AGTPBP1: variants seen among roughly 807,000 people sequenced by gnomAD.
The protein encoded by AGTPBP1 is cytosolic carboxypeptidase 1.
Under a neutral mutation model 143.9 loss-of-function variants are expected in AGTPBP1, and 70 were observed. The ratio of observed to expected loss-of-function variants is 0.49; its 90% CI spans 0.40 to 0.59. AGTPBP1 has a LOEUF of 0.59. AGTPBP1 is among the 20% of genes least tolerant of loss of function. The pLI is 0.00. For missense variants in AGTPBP1, 1,229 were observed against 1,464.5 expected (o/e 0.84, Z 2.62); for synonymous variants, 463 against 500.2 (o/e 0.93, Z 0.99).
the AGTPBP1 span, among the ~76,000 whole-genome samples, chr9:85,764,221 C>T: frequency 6.6e-6 from 1 of 151,572 alleles, no homozygotes; most frequent in African/African-American, 2.4e-5. Flanking sequence ...AGGCATTCAA[C>T]TTAAGATTTT....
intron 23 of AGTPBP1, among the ~76,000 whole-genome samples, chr9:85,579,567 T>C (rs1291010855): frequency 1.0e-4 from 15 of 145,238 alleles, no homozygotes; most frequent in Non-Finnish European, 1.5e-5. Context: ...AATATAGAAG[T>C]ATACCCTGAG....
chr9:85,603,901 T>C (rs1167691930), intron 17 of AGTPBP1, among the ~76,000 whole-genome samples: 1 of 152,028 alleles, frequency 6.6e-6, no homozygotes, highest in Non-Finnish European at 1.5e-5. Flanking sequence ...CTCTTCTGCA[T>C]GAAAAAAAGA....
chr9:85,580,696 G>A (rs2133110418), intron 23 of AGTPBP1, among the ~76,000 whole-genome samples: 1 of 152,284 alleles, frequency 6.6e-6, no homozygotes, highest in South Asian at 2.1e-4. Flanking sequence ...GTATCAATTT[G>A]TACAATCTTT....
In AGTPBP1 at chr9:85,682,372, A is replaced by G. The variant is rs544277191; in HGVS notation, c.158-1037T>C. The stretch of plus-strand genomic sequence containing the variant: ...ACTCCCTTCAACCCTCTGGGGAAAA[A>G]AAACTACTCTTTTCATGGATCTAAA... On this transcript the variant is annotated intron_variant, in intron 3 of 25. Transcript: ENST00000357081. Among the ~76,000 whole-genome samples the G allele has an allele frequency of 5.3e-5, 8 of 152,224 alleles. No individual in the cohort carries two copies. In the East Asian group the frequency reaches 1.4e-3, roughly 26 times the overall value.
At chr9:85,613,729 A>C (rs1830451032) in intron 17 of AGTPBP1, among the ~76,000 whole-genome samples, 2 of 152,134 alleles carry the variant, frequency 1.3e-5, no homozygotes, top group South Asian at 4.1e-4. Context: ...TAGGGTGCAA[A>C]AATAAAAGCC....
intron 1 of AGTPBP1, among the ~76,000 whole-genome samples, chr9:85,724,286 C>CAAAA (rs56269636): frequency 1.2e-4 from 9 of 77,662 alleles, no homozygotes; most frequent in Admixed American, 1.3e-4. Context: ...GACTTTGTCT[C>CAAAA]AAAAAAAAAA....
intron 3 of AGTPBP1, among the ~76,000 whole-genome samples, chr9:85,684,734 T>C (rs1266044561): frequency 6.6e-6 from 1 of 152,166 alleles, no homozygotes; most frequent in Non-Finnish European, 1.5e-5. Context: ...TTAGCACTGT[T>C]GACTACTGCA....
At chr9:85,773,766 G>C in the AGTPBP1 span, 1 of 790,742 alleles carries the variant, frequency 1.3e-6, no homozygotes, top group Non-Finnish European at 2.1e-6. Context: ...TCTTGAAGTA[G>C]CCTAAGAAAA....
intron 25 of AGTPBP1, among the ~76,000 whole-genome samples, chr9:85,567,420 G>A (rs550435963): frequency 2.0e-5 from 3 of 152,108 alleles, no homozygotes; most frequent in African/African-American, 7.2e-5. Flanking sequence ...GTGAAGCCCC[G>A]TATCTACTAA....
At chr9:85,775,006 A>G in the AGTPBP1 span, among the ~76,000 whole-genome samples, 1 of 152,158 alleles carries the variant, frequency 6.6e-6, no homozygotes, top group African/African-American at 2.4e-5. Flanking sequence ...GCCAAATAAG[A>G]ATATATAAAA....
chr9:85,790,176 AGAGT>A, the AGTPBP1 span, among the ~76,000 whole-genome samples: 1 of 152,230 alleles, frequency 6.6e-6, no homozygotes, highest in African/African-American at 2.4e-5. Flanking sequence ...AATAAAGGCG[AGAGT>A]GAGATCCATT....
At chr9:85,711,269 A>G (rs1180300769) in intron 2 of AGTPBP1, among the ~76,000 whole-genome samples, 1 of 152,160 alleles carries the variant, frequency 6.6e-6, no homozygotes, top group Non-Finnish European at 1.5e-5. Flanking sequence ...AAAGTTACAC[A>G]ATTTGCTCAT....
rs1182590956 is a variant in AGTPBP1 at position 85,619,017 on chromosome 9, AAT to A, written c.2299_2300del (p.Ile767Ter). The A allele has an allele frequency of 6.2e-7, 1 of 1,613,470 alleles. No homozygotes were observed. The highest frequency in any genetic ancestry group is 8.5e-7 in the Non-Finnish European group (1 of 1,179,790). ...ACTGACTGTTGGACTTTTCACAGTT[AAT>A]GATGTTAAACCTGTAAGCAACACCT... The part of the protein sequence containing the change: ...RPGVAYRFNI[I>X]NCEKSNSQFN... On this transcript the variant is annotated frameshift_variant, in exon 17 of 26. Transcript: ENST00000357081. LOFTEE classifies it high-confidence loss of function.
In AGTPBP1 at chr9:85,588,481, A is replaced by C; in HGVS notation, c.2723-3T>G. The C allele has an allele frequency of 6.2e-7, 1 of 1,608,478 alleles. No individual in the cohort carries two copies. The highest frequency in any genetic ancestry group is 8.5e-7 in the Non-Finnish European group (1 of 1,178,404). On this transcript the variant is annotated splice_polypyrimidine_tract_variant and splice_region_variant and intron_variant, in intron 20 of 25. Transcript: ENST00000357081. ...CAAGAAAACGTAAGGGCGATTTCCT[A>C]AAGTACACATAAAATCTCAAATTAA...
At chr9:85,622,265 A>G (rs1340862564) in intron 14 of AGTPBP1, among the ~76,000 whole-genome samples, 1 of 152,234 alleles carries the variant, frequency 6.6e-6, no homozygotes, top group African/African-American at 2.4e-5. Context: ...AAAGTGTACC[A>G]AAATAGTTTA....
chr9:85,764,684 T>G, the AGTPBP1 span: 1 of 881,224 alleles, frequency 1.1e-6, no homozygotes, highest in East Asian at 2.4e-5. Flanking sequence ...GTTTTCGGGG[T>G]GTCTGGTGGG....
intron 1 of AGTPBP1, among the ~76,000 whole-genome samples, chr9:85,721,394 T>C (rs1269280402): frequency 2.0e-5 from 3 of 152,240 alleles, no homozygotes; most frequent in Admixed American, 6.5e-5. Flanking sequence ...TCTTGTTGAA[T>C]TGATCCCTTT....
intron 17 of AGTPBP1, among the ~76,000 whole-genome samples, chr9:85,597,704 A>G (rs1194534882): frequency 6.6e-6 from 1 of 152,122 alleles, no homozygotes; most frequent in Non-Finnish European, 1.5e-5. Context: ...ATTATACTTC[A>G]CAGTTTTAAT....
At chr9:85,718,537 A>G (rs1245112551) in intron 1 of AGTPBP1, among the ~76,000 whole-genome samples, 1 of 152,058 alleles carries the variant, frequency 6.6e-6, no homozygotes, top group South Asian at 2.1e-4. Flanking sequence ...TCTGGTAAAT[A>G]TGTTTAAGTT....
Sources: gnomAD v4.1 joint callset for allele counts (sites outside exome capture counted in the v4.1 genomes callset) on GRCh38, gnomAD v4.1.1 for gene constraint, MANE v1.5 for transcripts, NCBI Gene and HGNC (gene_info 2026-07-23, HGNC 2026-07-21) for gene names.